LARGE1: variants seen among roughly 807,000 people sequenced by gnomAD.
LARGE1 encodes the protein LARGE xylosyl- and glucuronyltransferase 1.
A neutral mutation model predicts 87.6 loss-of-function variants in LARGE1; 43 were observed. The observed-to-expected ratio is 0.49, with a 90% CI of 0.38 to 0.63. The LOEUF is 0.63. LARGE1 is among the 30% of genes least tolerant of loss of function. LARGE1 has a pLI of 0.00. For missense variants in LARGE1, 802 were observed against 1,000.2 expected (o/e 0.80, Z 2.67); for synonymous variants, 434 against 394.6 (o/e 1.10, Z -1.18).
At chr22:33,120,428 C>A in the LARGE1 span, among the ~76,000 whole-genome samples, 1 of 107,358 alleles carries the variant, frequency 9.3e-6, no homozygotes, top group African/African-American at 3.2e-5. Flanking sequence ...CTTTCTTTCT[C>A]TCTCTCTCCT....
chr22:33,608,658 A>G (rs945133890), intron 4 of LARGE1, among the ~76,000 whole-genome samples: 2 of 152,188 alleles, frequency 1.3e-5, no homozygotes, highest in African/African-American at 2.4e-5. Flanking sequence ...CAAAAAGCCA[A>G]TGCCCCTCCT....
At chr22:33,659,791 G>C (rs1253850867) in intron 2 of LARGE1, among the ~76,000 whole-genome samples, 1 of 127,902 alleles carries the variant, frequency 7.8e-6, no homozygotes, top group Admixed American at 7.7e-5. Context: ...CTTCTAAAAA[G>C]AATTTGCAAC....
chr22:33,201,110 A>C (rs1924359394), intron 11 of LARGE1, among the ~76,000 whole-genome samples: 1 of 152,140 alleles, frequency 6.6e-6, no homozygotes. Context: ...GGAGTTCGTG[A>C]CCAGCCTGAC....
At chr22:33,119,262 A>G in the LARGE1 span, among the ~76,000 whole-genome samples, 2 of 152,212 alleles carry the variant, frequency 1.3e-5, no homozygotes, top group African/African-American at 4.8e-5. Context: ...GACTTTGCAA[A>G]TATTTTAGTA....
intron 1 of LARGE1, among the ~76,000 whole-genome samples, chr22:33,804,417 A>G (rs2086250666): frequency 6.6e-6 from 1 of 152,188 alleles, no homozygotes; most frequent in Non-Finnish European, 1.5e-5. Flanking sequence ...CCATTTATCC[A>G]TTCATTCCAT....
At chr22:33,826,058 T>A (rs1601709688) in intron 1 of LARGE1, among the ~76,000 whole-genome samples, 1 of 152,224 alleles carries the variant, frequency 6.6e-6, no homozygotes, top group East Asian at 1.9e-4. Context: ...TGTTCACTTC[T>A]GTCTTTTTTT....
At chr22:33,720,636 A>G (rs568146056) in intron 2 of LARGE1, among the ~76,000 whole-genome samples, 1 of 152,326 alleles carries the variant, frequency 6.6e-6, no homozygotes, top group Admixed American at 6.5e-5. Flanking sequence ...CACACACTTG[A>G]GGTCCAAGTC....
At chr22:33,406,941 C>T (rs373007293) in intron 7 of LARGE1, among the ~76,000 whole-genome samples, 169 of 152,136 alleles carry the variant, frequency 1.1e-3, no homozygotes, top group African/African-American at 3.8e-3. Flanking sequence ...TACAGGCACC[C>T]GCCACCACGC....
intron 6 of LARGE1, among the ~76,000 whole-genome samples, chr22:33,434,244 G>A (rs1330723784): frequency 2.0e-5 from 3 of 152,200 alleles, no homozygotes; most frequent in Non-Finnish European, 4.4e-5. Context: ...TGTTGGGGGA[G>A]AGGGGTGATA....
At chr22:33,761,284 T>C (rs2084719674) in intron 2 of LARGE1, 87 bp downstream of exon 2, 6 of 1,032,958 alleles carry the variant, frequency 5.8e-6, no homozygotes, top group East Asian at 2.4e-5. Context: ...TCCTATTAGA[T>C]GGCTTTGAGT....
At chr22:33,530,165 C>A (rs190571946) in intron 6 of LARGE1, among the ~76,000 whole-genome samples, 1 of 152,176 alleles carries the variant, frequency 6.6e-6, no homozygotes, top group African/African-American at 2.4e-5. Context: ...GCTCTTGCTT[C>A]CTGTTTGGGA....
chr22:33,659,446 G>A (rs1045364653), intron 2 of LARGE1, among the ~76,000 whole-genome samples: 4 of 152,076 alleles, frequency 2.6e-5, no homozygotes, highest in South Asian at 2.1e-4. Flanking sequence ...GGAGAGCTGA[G>A]TCTGCCAACG....
At chr22:33,640,162 TACTG>T (rs1418458302) in intron 3 of LARGE1, among the ~76,000 whole-genome samples, 2 of 152,204 alleles carry the variant, frequency 1.3e-5, no homozygotes, top group African/African-American at 2.4e-5. Flanking sequence ...ATTTTGACTC[TACTG>T]ACTGACATTT....
At chr22:33,508,876 G>A (rs200619222) in intron 6 of LARGE1, among the ~76,000 whole-genome samples, 1 of 152,176 alleles carries the variant, frequency 6.6e-6, no homozygotes, top group African/African-American at 2.4e-5. Context: ...AATTCAAATG[G>A]TGGGGATGTC....
chr22:33,466,210 CCTTT>C (rs768224820), intron 6 of LARGE1, among the ~76,000 whole-genome samples: 2 of 152,150 alleles, frequency 1.3e-5, no homozygotes, highest in Non-Finnish European at 2.9e-5. Flanking sequence ...ATGGTCAGCG[CCTTT>C]CTGTGTTTCC....
intron 1 of LARGE1, among the ~76,000 whole-genome samples, chr22:33,780,957 T>G (rs115398360): frequency 1.6e-3 from 248 of 152,360 alleles, no homozygotes; most frequent in African/African-American, 5.8e-3. Context: ...GTTGTGGGGC[T>G]GTCAGTAGAA....
At chr22:33,558,700 A>G (rs1207375155) in intron 6 of LARGE1, among the ~76,000 whole-genome samples, 1 of 152,234 alleles carries the variant, frequency 6.6e-6, no homozygotes, top group Non-Finnish European at 1.5e-5. Context: ...AGACCTGAAG[A>G]AACTTCAAAG....
At chr22:33,213,686 G>A (rs919018517) in intron 11 of LARGE1, among the ~76,000 whole-genome samples, 6 of 152,160 alleles carry the variant, frequency 3.9e-5, no homozygotes, top group Non-Finnish European at 7.3e-5. Context: ...TAAAGTATAT[G>A]TAAATTAAGG....
chr22:33,625,580 G>A (rs541318658), intron 4 of LARGE1, among the ~76,000 whole-genome samples: 176 of 152,292 alleles, frequency 1.2e-3, no homozygotes, highest in Middle Eastern at 3.4e-3. Flanking sequence ...CTGTCTATAA[G>A]AAAACACCAC....
Sources: gnomAD v4.1 joint callset for allele counts (sites outside exome capture counted in the v4.1 genomes callset) on GRCh38, gnomAD v4.1.1 for gene constraint, MANE v1.5 for transcripts, NCBI Gene and HGNC (gene_info 2026-07-23, HGNC 2026-07-21) for gene names.